The following HCN1 variants were observed in gnomAD, a reference collection of about 807,000 sequenced individuals.
HCN1 encodes the protein hyperpolarization activated cyclic nucleotide gated potassium channel 1.
HCN1 carries 13 observed loss-of-function variants against 78.9 expected under a neutral mutation model. The ratio of observed to expected loss-of-function variants is 0.16; its 90% CI spans 0.11 to 0.26. HCN1 has a LOEUF of 0.26. Ranked by LOEUF, HCN1 falls within the 10% of genes least tolerant of loss-of-function variation. The pLI is 1.00. For synonymous variants in HCN1, 552 were observed against 455.5 expected (o/e 1.21, Z -2.70); for missense variants, 810 against 1,154.3 (o/e 0.70, Z 4.32).
rs190098238 is a variant in HCN1, at chr5:45,599,381, G to A, written c.849+45804C>T. 7.1e-4 allele frequency among the ~76,000 whole-genome samples: 108 copies of A among 151,808 alleles called. 1 individual carries two copies. The highest frequency in any genetic ancestry group is 2.0e-3 in the African/African-American group (82 of 41,352). Reference sequence around the variant, plus strand: ...CAATAAGAACACTTGGACACATGGCGGGGAACATCACACAGCAAGGCATGT... The same window carrying A: ...CAATAAGAACACTTGGACACATGGCAGGGAACATCACACAGCAAGGCATGT... On this transcript the variant is annotated intron_variant, in intron 2 of 7. Transcript: ENST00000303230.
intron 4 of HCN1, among the ~76,000 whole-genome samples, chr5:45,354,032 G>A (rs1258145762): frequency 1.3e-5 from 2 of 151,540 alleles, no homozygotes; most frequent in African/African-American, 2.4e-5. Context: ...ACACATGCGC[G>A]TGCACACACA....
intron 2 of HCN1, among the ~76,000 whole-genome samples, chr5:45,534,177 C>A (rs1256873276): frequency 6.6e-6 from 1 of 151,524 alleles, no homozygotes; most frequent in Non-Finnish European, 1.5e-5. Flanking sequence ...GGGTGGATCA[C>A]CTGAGGTCAG....
chr5:45,573,172 C>T (rs924129964), intron 2 of HCN1, among the ~76,000 whole-genome samples: 1 of 152,042 alleles, frequency 6.6e-6, no homozygotes, highest in African/African-American at 2.4e-5. Context: ...TTCAAAGGAC[C>T]TCAGCTTAAA....
chr5:45,537,304 T>A (rs1417862263), intron 2 of HCN1, among the ~76,000 whole-genome samples: 6 of 152,098 alleles, frequency 3.9e-5, no homozygotes, highest in African/African-American at 1.4e-4. Flanking sequence ...TCTGCTAAAG[T>A]TTTACCAAGT....
At chr5:45,312,312 T>C (rs2111918417) in intron 5 of HCN1, among the ~76,000 whole-genome samples, 1 of 152,338 alleles carries the variant, frequency 6.6e-6, no homozygotes, top group South Asian at 2.1e-4. Flanking sequence ...GAAACAGCAA[T>C]AAAGAATCTT....
At chr5:45,337,886 C>T (rs1746496734) in intron 5 of HCN1, among the ~76,000 whole-genome samples, 1 of 151,984 alleles carries the variant, frequency 6.6e-6, no homozygotes, top group South Asian at 2.1e-4. Context: ...CAATTTGTCT[C>T]TAACACACAA....
intron 1 of HCN1, among the ~76,000 whole-genome samples, chr5:45,647,991 G>A (rs896006684): frequency 9.9e-5 from 15 of 152,144 alleles, no homozygotes; most frequent in Non-Finnish European, 1.6e-4. Context: ...CCAATTAAAT[G>A]ATTTTATTTT....
rs186875493 is a variant in HCN1 at position 45,690,316 on chromosome 5, T to C, written c.425+5353A>G. Among the ~76,000 whole-genome samples the C allele has an allele frequency of 3.4e-4, 52 of 152,104 alleles. 1 individual carries two copies. The East Asian group carries it at 7.5e-3, about 22-fold the overall frequency. ...CTGCGTGGTCAACTATTAGACAAAATAGAAAAATACTATGAGAAAACTAAC... is the reference window on the plus strand; with the variant it reads ...CTGCGTGGTCAACTATTAGACAAAACAGAAAAATACTATGAGAAAACTAAC... On this transcript the variant is annotated intron_variant, in intron 1 of 7. Transcript: ENST00000303230.
At chr5:45,321,792 A>G (rs1330885119) in intron 5 of HCN1, among the ~76,000 whole-genome samples, 1 of 151,860 alleles carries the variant, frequency 6.6e-6, no homozygotes, top group Non-Finnish European at 1.5e-5. Context: ...TATATTTTAA[A>G]AATCTTGCAT....
rs563099933 is a variant in HCN1 at position 45,526,945 on chromosome 5, G to C, written c.850-64938C>G. Among the ~76,000 whole-genome samples, 672 of 149,872 alleles carry C rather than the reference G, an allele frequency of 4.5e-3. 7 individuals are homozygous for C. Among genetic ancestry groups the C allele is most frequent in the African/African-American group, 0.012 (507 of 40,564 alleles). On this transcript the variant is annotated intron_variant, in intron 2 of 7. Transcript: ENST00000303230. ...CCAATTTGCAAAGAAGGAAAGGGAA[G>C]CCAATTAAAATGTCTATGAACTAAC...
At chr5:45,597,607 T>C (rs1292841024) in intron 2 of HCN1, among the ~76,000 whole-genome samples, 5 of 152,084 alleles carry the variant, frequency 3.3e-5, no homozygotes. Flanking sequence ...GGGATTCAAT[T>C]AGGAAAACAG....
chr5:45,498,550 G>C (rs952552601), intron 2 of HCN1, among the ~76,000 whole-genome samples: 7 of 152,170 alleles, frequency 4.6e-5, no homozygotes, highest in Admixed American at 2.6e-4. Context: ...ATTGCTCGGA[G>C]TAATTTGATC....
intron 1 of HCN1, among the ~76,000 whole-genome samples, chr5:45,653,596 G>A (rs1745716413): frequency 6.6e-6 from 1 of 151,706 alleles, no homozygotes; most frequent in Admixed American, 6.6e-5. Context: ...CTAGCAAATA[G>A]TATATATACT....
intron 2 of HCN1, among the ~76,000 whole-genome samples, chr5:45,586,298 C>A (rs185780845): frequency 1.3e-5 from 2 of 152,120 alleles, no homozygotes; most frequent in African/African-American, 2.4e-5. Flanking sequence ...GTGAGTGAGG[C>A]TCTGTGGTGT....
intron 2 of HCN1, chr5:45,617,496 G>A (rs1263509084): frequency 6.6e-6 from 1 of 152,048 alleles, no homozygotes; most frequent in Non-Finnish European, 1.5e-5. Context: ...GAAGTTTTAT[G>A]GGCCAGGCAT....
At chr5:45,280,076 A>G (rs1387004582) in intron 6 of HCN1, among the ~76,000 whole-genome samples, 1 of 152,130 alleles carries the variant, frequency 6.6e-6, no homozygotes, top group Admixed American at 6.6e-5. Flanking sequence ...CTACTCATGT[A>G]TTTCAAGAAA....
intron 2 of HCN1, among the ~76,000 whole-genome samples, chr5:45,549,882 C>A (rs1386186077): frequency 1.3e-5 from 2 of 152,138 alleles, no homozygotes; most frequent in Non-Finnish European, 2.9e-5. Context: ...ATGCAGCCAA[C>A]AGACACATGA....
intron 2 of HCN1, among the ~76,000 whole-genome samples, chr5:45,488,659 C>T (rs1246625508): frequency 1.3e-5 from 2 of 152,040 alleles, no homozygotes; most frequent in Non-Finnish European, 2.9e-5. Context: ...AAAGTGGAAG[C>T]AATTCAGAAA....
chr5:45,281,758 T>A (rs1347545827), intron 6 of HCN1, among the ~76,000 whole-genome samples: 2 of 150,162 alleles, frequency 1.3e-5, no homozygotes, highest in Non-Finnish European at 3.0e-5. Context: ...CGGGGGCTAA[T>A]TTTTTTTTGT....
Sources: gnomAD v4.1 joint callset for allele counts (sites outside exome capture counted in the v4.1 genomes callset) on GRCh38, gnomAD v4.1.1 for gene constraint, MANE v1.5 for transcripts, NCBI Gene and HGNC (gene_info 2026-07-23, HGNC 2026-07-21) for gene names.